The following PPARD variants were observed in gnomAD, a reference collection of about 807,000 sequenced individuals.
The protein encoded by PPARD is peroxisome proliferator activated receptor delta, also known as peroxisome proliferator-activated receptor delta.
PPARD carries 6 observed loss-of-function variants against 39.5 expected under a neutral mutation model. The ratio of observed to expected loss-of-function variants is 0.15; its 90% confidence interval spans 0.08 to 0.30. PPARD has a LOEUF of 0.30. PPARD is among the 10% of genes least tolerant of loss of function. The probability of loss-of-function intolerance (pLI) is 1.00; values close to 1 mark genes in which losing one functional copy is unlikely to be tolerated. For missense variants in PPARD, 397 were observed against 596.8 expected (o/e 0.67, Z 3.49); for synonymous variants, 210 against 231.3 (o/e 0.91, Z 0.83).
At chr6:35,361,370 G>A (rs1022657813) in intron 2 of PPARD, among the ~76,000 whole-genome samples, 38 of 152,246 alleles carry the variant, frequency 2.5e-4, no homozygotes, top group Admixed American at 2.3e-3. Flanking sequence ...CAAGGCAGCT[G>A]GGCATGGTGG....
In PPARD at chr6:35,423,054, CAAAAAAAAAAAA is replaced by C. The variant is rs56317397; in HGVS notation, c.425-877_425-866del. ...GCAACATAGTGAGACCTCATCTCTA[CAAAAAAAAAAAA>C]AAAAAAAAAAAAAATTTAGCCAGGC... On this transcript the variant is annotated intron_variant, in intron 5 of 7. Transcript: ENST00000360694. Among the ~76,000 whole-genome samples the C allele has an allele frequency of 5.4e-3, 385 of 71,728 alleles. 3 individuals are homozygous for C. The highest frequency in any genetic ancestry group is 0.023 in the African/African-American group (355 of 15,520). 47.1% of individuals were successfully genotyped at this position (71,728 alleles called of 152,430 possible). A position where few individuals can be genotyped will look rare whatever the true frequency, so the allele number is the denominator to read the frequency against.
chr6:35,362,852 C>T (rs1762000096), intron 2 of PPARD, among the ~76,000 whole-genome samples: 1 of 152,208 alleles, frequency 6.6e-6, no homozygotes, highest in Non-Finnish European at 1.5e-5. Flanking sequence ...CCACTCTTTC[C>T]ATGATCTTTC....
intron 2 of PPARD, among the ~76,000 whole-genome samples, chr6:35,380,476 GTTTTTTTTTTTTTTTTT>G (rs71002557): frequency 2.7e-4 from 18 of 67,102 alleles, no homozygotes; most frequent in Non-Finnish European, 3.9e-4. Context: ...TTTTTTGTTT[GTTTTTTTTTTTTTTTTT>G]TTTTTTTTTT....
chr6:35,399,586 G>C (rs577118945), intron 2 of PPARD, among the ~76,000 whole-genome samples: 1 of 152,090 alleles, frequency 6.6e-6, no homozygotes, highest in African/African-American at 2.4e-5. Flanking sequence ...GTGGTGGCAT[G>C]AATCTGTAGT....
At chr6:35,394,907 C>A (rs1764228266) in intron 2 of PPARD, among the ~76,000 whole-genome samples, 1 of 152,098 alleles carries the variant, frequency 6.6e-6, no homozygotes, top group South Asian at 2.1e-4. Context: ...ATTGCCACTG[C>A]CATTAAAGAA....
intron 2 of PPARD, among the ~76,000 whole-genome samples, chr6:35,356,347 C>T (rs74726143): frequency 6.6e-6 from 1 of 152,296 alleles, no homozygotes; most frequent in African/African-American, 2.4e-5. Context: ...CTCCAAATGG[C>T]AGCAGTAGCT....
chr6:35,351,272 G>A lies in PPARD; in HGVS notation c.-102+4122G>A, dbSNP rs182230402. On this transcript the variant is annotated intron_variant, in intron 2 of 7. Coordinates refer to ENST00000360694, the MANE Select transcript of PPARD (RefSeq NM_006238.5). The stretch of plus-strand genomic sequence containing the variant: ...AATCTCCTGACCTCGTGATTCACCC[G>A]CGTCGGCCTCCCAAAGTGCTGGGAT... Among the ~76,000 whole-genome samples the A allele has an allele frequency of 2.9e-3, 438 of 150,992 alleles. 2 individuals are homozygous for A. The highest frequency in any genetic ancestry group is 0.014 in the Middle Eastern group (4 of 282).
At chr6:35,384,851 C>T (rs1322461989) in intron 2 of PPARD, among the ~76,000 whole-genome samples, 1 of 86,050 alleles carries the variant, frequency 1.2e-5, no homozygotes, top group East Asian at 3.6e-4. Flanking sequence ...GTCAGCCCCC[C>T]GCCTGGCCAG....
rs77616220 is a variant in PPARD at position 35,359,645 on chromosome 6, A to G, written c.-102+12495A>G. Among the ~76,000 whole-genome samples, 6 of 152,200 alleles carry G rather than the reference A, an allele frequency of 3.9e-5. No individual in the cohort carries two copies. In the East Asian group the frequency reaches 5.8e-4, roughly 15 times the overall value. On this transcript the variant is annotated intron_variant, in intron 2 of 7. Transcript: ENST00000360694. ...AGTGGGACTCCCACAGCTGACTTCTATCCCCACCTGTGTCTAATCCCCTTT... is the reference window on the plus strand; with the variant it reads ...AGTGGGACTCCCACAGCTGACTTCTGTCCCCACCTGTGTCTAATCCCCTTT...
chr6:35,356,591 G>C (rs1286087271), intron 2 of PPARD, among the ~76,000 whole-genome samples: 1 of 152,128 alleles, frequency 6.6e-6, no homozygotes, highest in East Asian at 1.9e-4. Flanking sequence ...AAACATGTTG[G>C]GCTGGATAAT....
chr6:35,365,650 C>T (rs1362313245), intron 2 of PPARD, among the ~76,000 whole-genome samples: 2 of 150,972 alleles, frequency 1.3e-5, no homozygotes, highest in Non-Finnish European at 2.9e-5. Context: ...GCCATCATGC[C>T]CAGCTGATTT....
Position 35,372,987 on chromosome 6 carries a change from A to G in PPARD, c.-102+25837A>G, listed in dbSNP as rs530897757. Among the ~76,000 whole-genome samples, 21 of 152,348 alleles carry G rather than the reference A, an allele frequency of 1.4e-4. No homozygotes were observed. In the South Asian group the frequency reaches 2.1e-3, roughly 15 times the overall value. ...AGGCTGGGAAGTTCAAGATCAAGGC[A>G]TTGGCAGACTTGATGTCTGGTGAAG... On this transcript the variant is annotated intron_variant, in intron 2 of 7. Transcript: ENST00000360694.
chr6:35,397,897 A>G (rs1422006450), intron 2 of PPARD, among the ~76,000 whole-genome samples: 1 of 152,172 alleles, frequency 6.6e-6, no homozygotes, highest in Non-Finnish European at 1.5e-5. Flanking sequence ...GACCTGAAGA[A>G]GGTGAGGCAG....
intron 2 of PPARD, among the ~76,000 whole-genome samples, chr6:35,398,309 A>C (rs1262913937): frequency 6.6e-6 from 1 of 152,214 alleles, no homozygotes; most frequent in Non-Finnish European, 1.5e-5. Flanking sequence ...GGGTCATAGC[A>C]GTAGAGGTGG....
In PPARD at chr6:35,426,399, C is replaced by G. The variant is rs182283409; in HGVS notation, c.*320C>G. The G allele has an allele frequency of 5.7e-5, 24 of 419,994 alleles. 1 individual carries two copies. Among genetic ancestry groups the G allele is most frequent in the South Asian group, 4.3e-4 (16 of 37,010 alleles). The allele number at this position is 419,994 out of a possible 1,614,324, so 26.0% of individuals were successfully genotyped here. A position where few individuals can be genotyped will look rare whatever the true frequency, so the allele number is the denominator to read the frequency against. On this transcript the variant is annotated 3_prime_UTR_variant, in exon 8 of 8. Coordinates refer to ENST00000360694, the MANE Select transcript of PPARD (RefSeq NM_006238.5). ...TTGCCCTCCCTTTCTCTCTCCACCCCCCACGTCTGTCCTCCTTTCTTATTC... is the reference window on the plus strand; with the variant it reads ...TTGCCCTCCCTTTCTCTCTCCACCCGCCACGTCTGTCCTCCTTTCTTATTC...
intron 1 of PPARD, among the ~76,000 whole-genome samples, chr6:35,343,367 C>G (rs1447902948): frequency 6.6e-6 from 1 of 152,118 alleles, no homozygotes; most frequent in Non-Finnish European, 1.5e-5. Flanking sequence ...CCTGAGAGGC[C>G]CTGTTTTTGC....
chr6:35,421,619 C>T (rs1766177282), intron 4 of PPARD, among the ~76,000 whole-genome samples: 1 of 152,200 alleles, frequency 6.6e-6, no homozygotes, highest in Non-Finnish European at 1.5e-5. Context: ...GGATTACAGG[C>T]GTGAGCCACT....
At chr6:35,343,820 A>G (rs1187852555) in intron 1 of PPARD, among the ~76,000 whole-genome samples, 1 of 152,080 alleles carries the variant, frequency 6.6e-6, no homozygotes, top group Non-Finnish European at 1.5e-5. Context: ...TCCACTCTGG[A>G]TGTGTGGAAT....
chr6:35,373,967 G>GC (rs1410015317), intron 2 of PPARD, among the ~76,000 whole-genome samples: 2 of 152,154 alleles, frequency 1.3e-5, no homozygotes, highest in Admixed American at 6.5e-5. Flanking sequence ...ACCACGCCTG[G>GC]CCTACTGTAT....
Sources: allele counts gnomAD v4.1 joint callset (sites outside exome capture counted in the v4.1 genomes callset), GRCh38; gene constraint gnomAD v4.1.1; transcripts MANE v1.5; gene names NCBI Gene and HGNC (gene_info 2026-07-23, HGNC 2026-07-21).